The following SYNE2 variants were observed in gnomAD, a reference collection of about 807,000 sequenced individuals.
The protein encoded by SYNE2 is spectrin repeat containing nuclear envelope protein 2.
Under a neutral mutation model 856.3 loss-of-function variants are expected in SYNE2, and 431 were observed. That is an observed-to-expected ratio of 0.50 (90% CI 0.47 to 0.55). The LOEUF (loss-of-function observed/expected upper bound fraction) is 0.55, where lower values mean the gene tolerates loss of function less well. Ranked by LOEUF, SYNE2 falls within the 20% of genes least tolerant of loss-of-function variation. SYNE2 has a pLI of 0.00. For missense variants in SYNE2, 8,129 were observed against 8,023.2 expected, an observed-to-expected ratio of 1.01 and a Z score of -0.50; for synonymous variants, 2,923 against 2,872.3, an observed-to-expected ratio of 1.02 and a Z score of -0.56.
chr14:64,131,072 C>T (rs1375956573), intron 76 of SYNE2, among the ~76,000 whole-genome samples: 5 of 151,958 alleles, frequency 3.3e-5, no homozygotes, highest in Admixed American at 6.6e-5. Context: ...ATGTGTAGGA[C>T]GGTTCCTACC....
At chr14:63,818,268 G>C (rs1378862461) in intron 1 of SYNE2, among the ~76,000 whole-genome samples, 3 of 150,744 alleles carry the variant, frequency 2.0e-5, no homozygotes, top group African/African-American at 7.3e-5. Context: ...CTGGGAGGTG[G>C]AGGTTGCAGT....
chr14:64,138,938 GTA>G (rs896648103), intron 79 of SYNE2, among the ~76,000 whole-genome samples: 52 of 142,700 alleles, frequency 3.6e-4, no homozygotes, highest in East Asian at 1.5e-3. Context: ...GTGTGTGTGT[GTA>G]TGTATGGTGT....
intron 1 of SYNE2, among the ~76,000 whole-genome samples, chr14:63,870,085 C>G (rs1279829317): frequency 1.3e-5 from 2 of 152,102 alleles, no homozygotes; most frequent in Admixed American, 6.6e-5. Flanking sequence ...CTTTGGTTCC[C>G]CATTGGCCAT....
intron 28 of SYNE2, among the ~76,000 whole-genome samples, chr14:64,001,268 A>G (rs754756476): frequency 6.6e-6 from 1 of 152,238 alleles, no homozygotes; most frequent in Non-Finnish European, 1.5e-5. Context: ...AATTAAAATA[A>G]TTATGAGGTT....
rs886043367 is a variant in SYNE2 at position 64,188,615 on chromosome 14, T to G, written c.17778T>G (p.Asn5926Lys). The G allele has an allele frequency of 1.9e-6, 3 of 1,613,912 alleles. No homozygotes were observed. The African/African-American group carries it at 4.0e-5, about 22-fold the overall frequency. ...LNTWVVFNEKNKELCAWLVQM... is the reference protein window; with the variant it reads ...LNTWVVFNEKKKELCAWLVQM... ...CATGGGTTGTATTCAATGAAAAAAA[T>G]AAAGAGTTGTGTGCCTGGCTGGTGC... The change falls in exon 98 of 116, where the codon AAT becomes AAG. Residue 5926 changes from asparagine (N) to lysine (K), a missense_variant. Asn to Lys is a moderately conservative substitution (Grantham distance 94, BLOSUM62 0). Around this residue, in one of 3 missense-constraint regions of SYNE2, gnomAD observed 5,410 missense variants for 5,284.8 expected, o/e 1.02. Coordinates refer to ENST00000555002, the MANE Select transcript of SYNE2 (RefSeq NM_182914.3).
intron 1 of SYNE2, among the ~76,000 whole-genome samples, chr14:63,873,193 C>G (rs753705347): frequency 1.1e-4 from 16 of 152,236 alleles, no homozygotes; most frequent in Non-Finnish European, 1.3e-4. Context: ...TGGGTATACT[C>G]TAATCAGACT....
chr14:63,996,410 C>A (rs1488875488), intron 23 of SYNE2, among the ~76,000 whole-genome samples: 1 of 152,182 alleles, frequency 6.6e-6, no homozygotes, highest in Non-Finnish European at 1.5e-5. Flanking sequence ...CCCATACCCC[C>A]AGGACAATTC....
At chr14:64,174,166 G>A (rs1174379083) in intron 94 of SYNE2, among the ~76,000 whole-genome samples, 2 of 151,696 alleles carry the variant, frequency 1.3e-5, no homozygotes, top group African/African-American at 2.4e-5. Context: ...CTGCCTCCCA[G>A]GTTAAAGTGA....
At chr14:64,064,529 G>A (rs895052215) in intron 50 of SYNE2, among the ~76,000 whole-genome samples, 46 of 138,560 alleles carry the variant, frequency 3.3e-4, no homozygotes, top group African/African-American at 1.2e-3. Context: ...AATGAGGGCT[G>A]TTGTACTTTT....
At position 64,004,735 on chromosome 14, in the gene SYNE2, C is replaced by T. The variant is rs1269512653; in HGVS notation, c.4397+1405C>T. ...GAGGGTCTTTAGATGACCAAGCCCTCAGTGTAGCCAAGTGTGCCTTTCCCT... is the reference window on the plus strand; with the variant it reads ...GAGGGTCTTTAGATGACCAAGCCCTTAGTGTAGCCAAGTGTGCCTTTCCCT... On this transcript the variant is annotated intron_variant, in intron 30 of 115. Transcript: ENST00000555002. Among the ~76,000 whole-genome samples, 3 of 152,196 alleles carry T rather than the reference C, an allele frequency of 2.0e-5. 1 individual carries two copies. The highest frequency in any genetic ancestry group is 4.4e-5 in the Non-Finnish European group (3 of 68,040).
At chr14:63,835,573 G>A (rs1017401591) in intron 1 of SYNE2, among the ~76,000 whole-genome samples, 1 of 134,620 alleles carries the variant, frequency 7.4e-6, no homozygotes, top group African/African-American at 3.5e-5. Flanking sequence ...TTGCGTGTGT[G>A]TGTGTGTGTG....
Position 63,981,116 on chromosome 14 carries a change from A to T in SYNE2, c.1779A>T (p.Glu593Asp). 1 of 1,613,918 alleles carries T rather than the reference A, an allele frequency of 6.2e-7. No individual in the cohort carries two copies. Among genetic ancestry groups the T allele is most frequent in the Non-Finnish European group, 8.5e-7 (1 of 1,179,850 alleles). The change falls in exon 16 of 116, where the codon GAA (glutamate) becomes GAT (aspartate). Residue 593 changes from glutamate (E) to aspartate (D), a missense_variant. This residue lies in a region of SYNE2 where 2,422 missense variants were observed against 2,357.4 expected (regional missense o/e 1.03). Coordinates refer to ENST00000555002, the MANE Select transcript of SYNE2 (RefSeq NM_182914.3). ...TGGCATGTTGGGCTACTTATGTGGA[A>T]AACCTTCGCTTACTAAGGGCTTGCT... Reference protein sequence around the residue: ...KVLACWATYVENLRLLRACFE... With the variant: ...KVLACWATYVDNLRLLRACFE...
Position 63,963,991 on chromosome 14 carries a change from A to G in SYNE2, c.981A>G (p.Lys327=). 1 of 1,581,302 alleles carries G rather than the reference A, an allele frequency of 6.3e-7. No individual in the cohort carries two copies. Among genetic ancestry groups the G allele is most frequent in the Non-Finnish European group, 8.7e-7 (1 of 1,151,020 alleles). ...LKDSENDTYF[K]KYNSLLSFME... ...ATTCAGAGAATGATACCTACTTTAA[A>G]AAGTATAATGTAAGTATGATTTTAA... The change falls in exon 10 of 116, where the codon AAA becomes AAG. Residue 327 remains lysine, a synonymous_variant. Coordinates refer to ENST00000555002, the MANE Select transcript of SYNE2 (RefSeq NM_182914.3).
rs77746735 is a variant in SYNE2 at position 64,023,398 on chromosome 14, A to G, written c.5637+535A>G. ...AATGGCTTACAGAATCTCTACTTTT[A>G]CATATATTCTAAGATGCTGTTTAAT... On this transcript the variant is annotated intron_variant, in intron 38 of 115. Transcript: ENST00000555002. 303 of 153,894 alleles carry G rather than the reference A, an allele frequency of 2.0e-3. 9 individuals carry two copies. The East Asian group carries it at 0.054, about 28-fold the overall frequency. 9.5% of individuals were successfully genotyped at this position (153,894 alleles called of 1,614,324 possible).
intron 99 of SYNE2, among the ~76,000 whole-genome samples, chr14:64,201,600 C>T (rs765209139): frequency 6.6e-6 from 1 of 152,088 alleles, no homozygotes; most frequent in Non-Finnish European, 1.5e-5. Context: ...AGGCTTTGAG[C>T]GTGGATCAGA....
intron 17 of SYNE2, among the ~76,000 whole-genome samples, chr14:63,983,020 CT>C (rs2096598408): frequency 1.3e-5 from 2 of 152,168 alleles, no homozygotes; most frequent in South Asian, 2.1e-4. Context: ...CATGAATCCA[CT>C]GTCTTTCTAT....
intron 38 of SYNE2, 139 bp downstream of exon 38, chr14:64,023,002 G>A (rs1488990329): frequency 1.4e-5 from 9 of 642,600 alleles, no homozygotes; most frequent in Non-Finnish European, 2.2e-5. Flanking sequence ...GCTGAGGCTG[G>A]TGGATCACTT....
At chr14:64,147,763 G>T (rs1567460520) in intron 84 of SYNE2, among the ~76,000 whole-genome samples, 1 of 152,220 alleles carries the variant, frequency 6.6e-6, no homozygotes, top group African/African-American at 2.4e-5. Flanking sequence ...TAATATTCCA[G>T]AAGCAAGAGT....
At position 63,869,843 on chromosome 14, in the gene SYNE2, C is replaced by T. The variant is rs369702818; in HGVS notation, c.-52+16700C>T. Among the ~76,000 whole-genome samples, 3 of 151,974 alleles carry T rather than the reference C, an allele frequency of 2.0e-5. No homozygotes were observed. The East Asian group carries it at 5.8e-4, about 29-fold the overall frequency. On this transcript the variant is annotated intron_variant, in intron 1 of 115. Coordinates refer to ENST00000555002, the MANE Select transcript of SYNE2 (RefSeq NM_182914.3). ...CATTGCTGGAATATCCAATTTATCCCATACCTTCTCCTCCTGTATTTTCTC... is the reference window on the plus strand; with the variant it reads ...CATTGCTGGAATATCCAATTTATCCTATACCTTCTCCTCCTGTATTTTCTC...
Sources: gnomAD v4.1 joint callset for allele counts (sites outside exome capture counted in the v4.1 genomes callset) on GRCh38, gnomAD v4.1.1 for gene constraint, gnomAD v4.1.1 regional missense constraint, MANE v1.5 for transcripts, NCBI Gene and HGNC (gene_info 2026-07-23, HGNC 2026-07-21) for gene names.